Variants in DOCK1 observed in about 807,000 individuals in gnomAD.
DOCK1 encodes dedicator of cytokinesis 1.
In DOCK1, 138 loss-of-function variants were observed where a neutral mutation model predicts 262.7. That is an observed-to-expected ratio of 0.53 (90% CI 0.46 to 0.61). DOCK1 has a LOEUF of 0.61. Ranked by LOEUF, DOCK1 falls within the 20% of genes least tolerant of loss-of-function variation. DOCK1 has a pLI of 0.00. For missense variants in DOCK1, 1,908 were observed against 2,370.7 expected, an observed-to-expected ratio of 0.80 and a Z score of 4.05; for synonymous variants, 866 against 867.4, an observed-to-expected ratio of 1.00 and a Z score of 0.03.
intron 25 of DOCK1, among the ~76,000 whole-genome samples, chr10:127,124,084 G>A (rs2049792332): frequency 6.6e-6 from 1 of 152,150 alleles, no homozygotes. Flanking sequence ...GGGAGTAGAG[G>A]GGTTTGTGTT....
At chr10:127,328,175 C>T (rs186825546) in intron 29 of DOCK1, among the ~76,000 whole-genome samples, 1 of 151,132 alleles carries the variant, frequency 6.6e-6, no homozygotes, top group Admixed American at 6.6e-5. Context: ...GGCAAATGAG[C>T]CTTCAGCAAA....
At chr10:127,341,200 G>C (rs955745637) in intron 30 of DOCK1, among the ~76,000 whole-genome samples, 2 of 152,018 alleles carry the variant, frequency 1.3e-5, no homozygotes, top group African/African-American at 4.8e-5. Flanking sequence ...ATGAATAGAT[G>C]ACTCTTTCCC....
At chr10:127,166,816 A>G (rs1173260537) in intron 27 of DOCK1, among the ~76,000 whole-genome samples, 2 of 151,978 alleles carry the variant, frequency 1.3e-5, no homozygotes, top group Non-Finnish European at 2.9e-5. Context: ...AAATCCATAA[A>G]TTCCATAAAT....
At chr10:127,325,298 C>T (rs2062705569) in intron 29 of DOCK1, among the ~76,000 whole-genome samples, 1 of 152,230 alleles carries the variant, frequency 6.6e-6, no homozygotes, top group Non-Finnish European at 1.5e-5. Flanking sequence ...GTAGCACATC[C>T]TTTAAGCTGG....
chr10:126,929,776 A>C (rs2034044792), intron 1 of DOCK1, among the ~76,000 whole-genome samples: 1 of 152,170 alleles, frequency 6.6e-6, no homozygotes, highest in African/African-American at 2.4e-5. Context: ...GTTTAAGTTC[A>C]TGAATCAGTT....
intron 3 of DOCK1, 136 bp downstream of exon 3, chr10:126,978,124 G>C: frequency 2.4e-6 from 2 of 845,902 alleles, no homozygotes; most frequent in Non-Finnish European, 3.8e-6. Flanking sequence ...TATATGGGTA[G>C]GAATGTGAAC....
At chr10:127,085,396 A>G (rs566035223) in intron 23 of DOCK1, among the ~76,000 whole-genome samples, 3 of 152,340 alleles carry the variant, frequency 2.0e-5, no homozygotes, top group African/African-American at 4.8e-5. Context: ...AGAGAATTGC[A>G]TTATCCATCA....
At chr10:127,152,586 A>C (rs1055453182) in intron 27 of DOCK1, among the ~76,000 whole-genome samples, 1 of 152,146 alleles carries the variant, frequency 6.6e-6, no homozygotes, top group Non-Finnish European at 1.5e-5. Context: ...CACTATTGAC[A>C]TTTGGGACTG....
intron 44 of DOCK1, 27 bp from the exon 45 acceptor site, chr10:127,418,338 A>C: frequency 6.3e-7 from 1 of 1,576,474 alleles, no homozygotes; most frequent in African/African-American, 1.3e-5. Flanking sequence ...TGTGGGGCTG[A>C]CATCGGGCTC....
At chr10:127,317,881 G>T (rs1726505008) in intron 29 of DOCK1, among the ~76,000 whole-genome samples, 1 of 152,134 alleles carries the variant, frequency 6.6e-6, no homozygotes, top group South Asian at 2.1e-4. Flanking sequence ...CGCATTCATT[G>T]ACAACAGTGC....
rs937118836 is a variant in DOCK1, at chr10:127,319,504, C to T, written c.3045-19502C>T. 2.6e-5 allele frequency among the ~76,000 whole-genome samples: 4 copies of T among 152,184 alleles called. No individual in the cohort carries two copies. The East Asian group carries it at 5.8e-4, about 22-fold the overall frequency. ...AATCACTTAGCATTAAGAAGGTAGACGATCATTAGCCCATGATCACTCAGT... is the reference window on the plus strand; with the variant it reads ...AATCACTTAGCATTAAGAAGGTAGATGATCATTAGCCCATGATCACTCAGT... On this transcript the variant is annotated intron_variant, in intron 29 of 51. Coordinates refer to ENST00000623213, the MANE Select transcript of DOCK1 (RefSeq NM_001290223.2).
At chr10:127,066,083 G>C (rs747658703) in intron 23 of DOCK1, among the ~76,000 whole-genome samples, 1 of 152,044 alleles carries the variant, frequency 6.6e-6, no homozygotes, top group Admixed American at 6.5e-5. Context: ...GTGCCTTCTG[G>C]ATTCTTCTTT....
At chr10:127,440,097 T>A (rs1759873081) in intron 49 of DOCK1, among the ~76,000 whole-genome samples, 1 of 142,252 alleles carries the variant, frequency 7.0e-6, no homozygotes, top group South Asian at 2.2e-4. Flanking sequence ...CAGGAGGCTT[T>A]TATTCTTGGC....
chr10:127,367,993 T>G (rs754584777), intron 33 of DOCK1, among the ~76,000 whole-genome samples: 27 of 152,148 alleles, frequency 1.8e-4, no homozygotes, highest in Non-Finnish European at 3.1e-4. Flanking sequence ...AGCCACCCCC[T>G]CCATCACTGG....
At chr10:127,309,999 C>G (rs1159807412) in intron 29 of DOCK1, among the ~76,000 whole-genome samples, 1 of 152,008 alleles carries the variant, frequency 6.6e-6, no homozygotes, top group Admixed American at 6.6e-5. Flanking sequence ...CCTCAGCCTC[C>G]CAAGTAGCTG....
chr10:127,381,961 GGAT>G (rs2065851710), intron 37 of DOCK1, among the ~76,000 whole-genome samples: 6 of 15,406 alleles, frequency 3.9e-4, no homozygotes, highest in Admixed American at 2.6e-3. Context: ...AGTGACGTAT[GGAT>G]GGATGGATGG....
intron 46 of DOCK1, among the ~76,000 whole-genome samples, chr10:127,422,333 A>AT (rs1445738471): frequency 2.0e-5 from 3 of 150,898 alleles, no homozygotes; most frequent in African/African-American, 7.3e-5. Flanking sequence ...CACCTGGCTA[A>AT]TTTTTGTATT....
chr10:127,235,893 G>A (rs2134623703), intron 27 of DOCK1, among the ~76,000 whole-genome samples: 1 of 152,020 alleles, frequency 6.6e-6, no homozygotes, highest in South Asian at 2.1e-4. Context: ...ATGCTTTCAT[G>A]TGCATCTTGG....
rs920052545 is a variant in DOCK1 at position 126,998,028 on chromosome 10, A to G, written c.610-64A>G. The G allele has an allele frequency of 1.1e-5, 18 of 1,589,186 alleles. No individual in the cohort carries two copies. The Admixed American group carries it at 2.1e-4, about 19-fold the overall frequency. On this transcript the variant is annotated intron_variant, in intron 7 of 51. Transcript: ENST00000623213. ...TACAATTTTCTATTCTGTAGGGAAT[A>G]AAGAAAGCAAGTGTCAGTGATGAGT...
Sources: allele counts gnomAD v4.1 joint callset (sites outside exome capture counted in the v4.1 genomes callset), GRCh38; gene constraint gnomAD v4.1.1; transcripts MANE v1.5; gene names NCBI Gene and HGNC (gene_info 2026-07-23, HGNC 2026-07-21).